PPP4R3A: variants seen among roughly 807,000 people sequenced by gnomAD.
PPP4R3A encodes protein phosphatase 4 regulatory subunit 3A.
Under a neutral mutation model 91.7 loss-of-function variants are expected in PPP4R3A, and 15 were observed. The observed-to-expected ratio is 0.16, with a 90% CI of 0.11 to 0.25. PPP4R3A has a LOEUF of 0.25. PPP4R3A is among the 10% of genes least tolerant of loss of function. The probability of loss-of-function intolerance (pLI) is 1.00; values close to 1 mark genes in which losing one functional copy is unlikely to be tolerated. For missense variants in PPP4R3A, 623 were observed against 998.4 expected (o/e 0.62, Z 5.07); for synonymous variants, 377 against 348.7 (o/e 1.08, Z -0.91).
intron 2 of PPP4R3A, among the ~76,000 whole-genome samples, chr14:91,486,888 G>C (rs936872214): frequency 1.8e-5 from 2 of 110,416 alleles, no homozygotes; most frequent in South Asian, 3.0e-4. Flanking sequence ...TGGGCAACAG[G>C]AGCAAAACTC....
At chr14:91,504,364 A>G (rs1266590968) in intron 1 of PPP4R3A, among the ~76,000 whole-genome samples, 1 of 150,948 alleles carries the variant, frequency 6.6e-6, no homozygotes, top group African/African-American at 2.4e-5. Context: ...AAAGAAAAAG[A>G]GCAGGGTGCG....
At chr14:91,485,555 T>C (rs1186018940) in intron 3 of PPP4R3A, 77 bp downstream of exon 3, 26 of 935,042 alleles carry the variant, frequency 2.8e-5, no homozygotes, top group Admixed American at 1.2e-4. Context: ...ATTTAAACTC[T>C]TGGGCATTAG....
Position 91,473,225 on chromosome 14 carries a change from T to TG in PPP4R3A, c.1398+13dup. 1.9e-6 allele frequency: 3 copies of TG among 1,612,600 alleles called. No individual in the cohort carries two copies. The highest frequency in any genetic ancestry group is 1.7e-4 in the Middle Eastern group (1 of 6,056). On this transcript the variant is annotated intron_variant, in intron 8 of 14. Coordinates refer to ENST00000554943, the MANE Select transcript of PPP4R3A (RefSeq NM_001366432.2). ...TACTAGCTATGAAAAAGAGGGGAAATGCTCATGGCTTACATTGGCAGTGGC... is the reference window on the plus strand; with the variant it reads ...TACTAGCTATGAAAAAGAGGGGAAATGGCTCATGGCTTACATTGGCAGTGGC...
At chr14:91,507,451 GTATATATACTATAAT>G (rs1329188943) in intron 1 of PPP4R3A, among the ~76,000 whole-genome samples, 1 of 109,162 alleles carries the variant, frequency 9.2e-6, no homozygotes, top group African/African-American at 3.6e-5. Flanking sequence ...ATACTATATA[GTATATATACTATAAT>G]TATATATACT....
chr14:91,466,952 C>CACACACACACAT, intron 10 of PPP4R3A, among the ~76,000 whole-genome samples: 1 of 152,022 alleles, frequency 6.6e-6, no homozygotes, highest in Admixed American at 6.6e-5. Flanking sequence ...CACACACACA[C>CACACACACACAT]ACACACACAC....
In PPP4R3A at chr14:91,462,259, A is replaced by G; in HGVS notation, c.1974-20T>C. On this transcript the variant is annotated intron_variant, in intron 12 of 14. Transcript: ENST00000554943. The stretch of plus-strand genomic sequence containing the variant: ...CGCATACTATGAGTAGGGAAGAAAG[A>G]GTAAATACAATCATATATGGACTTA... 6.5e-7 allele frequency: 1 copy of G among 1,548,016 alleles called. No individual in the cohort carries two copies. The highest frequency in any genetic ancestry group is 8.7e-7 in the Non-Finnish European group (1 of 1,153,932).
intron 1 of PPP4R3A, among the ~76,000 whole-genome samples, chr14:91,504,855 T>C (rs1163835110): frequency 6.6e-6 from 1 of 152,144 alleles, no homozygotes; most frequent in Non-Finnish European, 1.5e-5. Context: ...GAAATTCTCT[T>C]CTGTGATTTT....
chr14:91,494,400 T>C (rs919323176), intron 1 of PPP4R3A, among the ~76,000 whole-genome samples: 8 of 152,188 alleles, frequency 5.3e-5, no homozygotes, highest in Non-Finnish European at 1.0e-4. Context: ...TTGGAAAGCA[T>C]ATATCTGGTA....
At chr14:91,460,043 A>G (rs1888027382) in intron 14 of PPP4R3A, among the ~76,000 whole-genome samples, 1 of 150,562 alleles carries the variant, frequency 6.6e-6, no homozygotes, top group Admixed American at 6.6e-5. Context: ...ATGGAGTCTC[A>G]CTCTGTCGCC....
intron 1 of PPP4R3A, among the ~76,000 whole-genome samples, chr14:91,491,846 T>C (rs896557415): frequency 1.3e-5 from 2 of 152,208 alleles, no homozygotes; most frequent in Admixed American, 1.3e-4. Flanking sequence ...TCTGGGTAGT[T>C]GGGACAGGTG....
chr14:91,481,426 A>AT, intron 4 of PPP4R3A, 150 bp downstream of exon 4: 1 of 821,186 alleles, frequency 1.2e-6, no homozygotes, highest in Non-Finnish European at 1.8e-6. Context: ...CTGGTCTCGT[A>AT]TTATTATTGT....
intron 1 of PPP4R3A, among the ~76,000 whole-genome samples, chr14:91,491,635 G>C (rs940202899): frequency 1.3e-5 from 2 of 151,270 alleles, no homozygotes; most frequent in Non-Finnish European, 3.0e-5. Flanking sequence ...TCAATCTCTT[G>C]ACCTCGTGAT....
intron 14 of PPP4R3A, 142 bp downstream of exon 14, chr14:91,461,239 G>A: frequency 1.4e-6 from 1 of 714,938 alleles, no homozygotes; most frequent in Non-Finnish European, 2.3e-6. Context: ...ATAAGTTCAA[G>A]CGGTGGGGGG....
At chr14:91,484,514 G>A (rs1889768587) in intron 3 of PPP4R3A, among the ~76,000 whole-genome samples, 1 of 152,178 alleles carries the variant, frequency 6.6e-6, no homozygotes, top group South Asian at 2.1e-4. Flanking sequence ...AGCTGTGACA[G>A]AGACTATATG....
At chr14:91,464,921 T>C (rs1398935585) in intron 11 of PPP4R3A, among the ~76,000 whole-genome samples, 3 of 152,172 alleles carry the variant, frequency 2.0e-5, no homozygotes, top group African/African-American at 7.2e-5. Flanking sequence ...CCTAGGAGAA[T>C]ATAATGCTGC....
chr14:91,490,989 T>C (rs1890205158), intron 1 of PPP4R3A, among the ~76,000 whole-genome samples, 187 bp from the exon 2 acceptor site: 1 of 148,548 alleles, frequency 6.7e-6, no homozygotes, highest in South Asian at 2.1e-4. Flanking sequence ...CACTGCAACC[T>C]CCGCCTCCCA....
chr14:91,509,776 GGCGCCGCGGGGCC>G lies in PPP4R3A; in HGVS notation c.-142_-130del. 7.9e-7 allele frequency: 1 copy of G among 1,266,072 alleles called. No individual in the cohort carries two copies. 78.4% of individuals were successfully genotyped at this position (1,266,072 alleles called of 1,614,324 possible). On this transcript the variant is annotated 5_prime_UTR_variant, in exon 1 of 15. An upstream open reading frame in the 5' UTR loses its in-frame stop. Transcript: ENST00000554943. ...CTCCCCGGCCTCACTGCCGCCGCTGGGCGCCGCGGGGCCGCGCCGCCGCCTGCATGGCCCGCTC... is the reference window on the plus strand; with the variant it reads ...CTCCCCGGCCTCACTGCCGCCGCTGGGCGCCGCCGCCTGCATGGCCCGCTC...
chr14:91,468,698 GA>G (rs1222506643), intron 10 of PPP4R3A, among the ~76,000 whole-genome samples: 1 of 98,268 alleles, frequency 1.0e-5, no homozygotes, highest in Non-Finnish European at 2.0e-5. Flanking sequence ...AAGGAAAAAA[GA>G]AAAAAAAGAC....
intron 1 of PPP4R3A, among the ~76,000 whole-genome samples, chr14:91,495,690 T>C (rs1229237886): frequency 6.6e-6 from 1 of 150,418 alleles, no homozygotes; most frequent in Non-Finnish European, 1.5e-5. Context: ...GTAAATACTG[T>C]TAAAAAAAAA....
Sources: gnomAD v4.1 joint callset for allele counts (sites outside exome capture counted in the v4.1 genomes callset) on GRCh38, gnomAD v4.1.1 for gene constraint, MANE v1.5 for transcripts, NCBI Gene and HGNC (gene_info 2026-07-23, HGNC 2026-07-21) for gene names.